CACNA1C: variants seen among roughly 807,000 people sequenced by gnomAD.
The protein encoded by CACNA1C is calcium voltage-gated channel subunit alpha1 C.
Under a neutral mutation model 229.0 loss-of-function variants are expected in CACNA1C, and 30 were observed. The ratio of observed to expected loss-of-function variants is 0.13; its 90% CI spans 0.10 to 0.18. The LOEUF (loss-of-function observed/expected upper bound fraction) is 0.18. CACNA1C is among the 10% of genes least tolerant of loss of function. The pLI, the probability that CACNA1C is intolerant of heterozygous loss-of-function variation, is 1.00. For synonymous variants in CACNA1C, 1,114 were observed against 1,132.5 expected (o/e 0.98, Z 0.33); for missense variants, 1,658 against 2,845.0 (o/e 0.58, Z 9.49).
chr12:2,066,054 G>C (rs560313389), intron 1 of CACNA1C, among the ~76,000 whole-genome samples: 2 of 152,260 alleles, frequency 1.3e-5, no homozygotes, highest in African/African-American at 4.8e-5. Flanking sequence ...CAGGCAGCAG[G>C]CTAGAGGATA....
intron 3 of CACNA1C, among the ~76,000 whole-genome samples, chr12:2,206,656 C>A (rs542401574): frequency 7.2e-5 from 11 of 152,198 alleles, no homozygotes; most frequent in Non-Finnish European, 1.5e-4. Context: ...GAATAGCCAG[C>A]GTGGCCAGTT....
chr12:2,084,978 A>G (rs1432262550), intron 1 of CACNA1C, among the ~76,000 whole-genome samples: 1 of 152,188 alleles, frequency 6.6e-6, no homozygotes, highest in Non-Finnish European at 1.5e-5. Flanking sequence ...TTTACTAGCT[A>G]TTCCTCCCAG....
chr12:2,648,639 C>T, intron 31 of CACNA1C, 132 bp downstream of exon 31: 3 of 772,572 alleles, frequency 3.9e-6, no homozygotes, highest in South Asian at 3.0e-5. Context: ...CTGTGTCTGC[C>T]GTGTGCCTTG....
intron 30 of CACNA1C, among the ~76,000 whole-genome samples, chr12:2,636,802 A>C (rs1467790617): frequency 6.6e-6 from 1 of 152,216 alleles, no homozygotes; most frequent in Non-Finnish European, 1.5e-5. Context: ...TTAAATAAGC[A>C]CAGGGTTTTT....
chr12:2,343,398 T>C (rs558209833), intron 3 of CACNA1C, among the ~76,000 whole-genome samples: 1 of 152,156 alleles, frequency 6.6e-6, no homozygotes, highest in Non-Finnish European at 1.5e-5. Flanking sequence ...AATTGCCAGA[T>C]TTAACAAAAA....
intron 27 of CACNA1C, among the ~76,000 whole-genome samples, chr12:2,609,993 C>T (rs1169694691): frequency 6.6e-6 from 1 of 152,028 alleles, no homozygotes; most frequent in African/African-American, 2.4e-5. Flanking sequence ...GGCGTTGTGG[C>T]GTGTGCCTGT....
chr12:1,993,627 G>GGTGTGTGTGTGTGTGTGTGTGT (rs150056084), intron 1 of CACNA1C, among the ~76,000 whole-genome samples: 2 of 146,584 alleles, frequency 1.4e-5, no homozygotes, highest in Non-Finnish European at 1.5e-5. Context: ...CTTCATTTGT[G>GGTGTGTGTGTGTGTGTGTGTGT]GTGTGTGTGT....
intron 1 of CACNA1C, among the ~76,000 whole-genome samples, chr12:2,085,913 T>G (rs1301005793): frequency 1.3e-5 from 2 of 152,218 alleles, no homozygotes; most frequent in African/African-American, 4.8e-5. Flanking sequence ...AACTGCAGCA[T>G]GTAAATTCAT....
At chr12:2,313,292 A>G (rs1047456280) in intron 3 of CACNA1C, among the ~76,000 whole-genome samples, 4 of 152,178 alleles carry the variant, frequency 2.6e-5, no homozygotes, top group South Asian at 4.1e-4. Context: ...GGCATCCACT[A>G]CATTCTGCGG....
rs116571941 is a variant in CACNA1C at position 2,503,587 on chromosome 12, G to T, written c.1114-1255G>T. Among the ~76,000 whole-genome samples the T allele has an allele frequency of 2.8e-3, 434 of 152,332 alleles. 2 individuals carry two copies. Among genetic ancestry groups the T allele is most frequent in the African/African-American group, 0.01 (418 of 41,588 alleles). ...GATTTATTGCTTGCCTATCTCTGTG[G>T]TGTAAATACTTCCACCATGGTCAGT... is the stretch of plus-strand genomic sequence containing the variant. On this transcript the variant is annotated intron_variant, in intron 7 of 46. Coordinates refer to ENST00000399655, the MANE Select transcript of CACNA1C (RefSeq NM_000719.7).
intron 1 of CACNA1C, among the ~76,000 whole-genome samples, chr12:2,080,522 A>T (rs993038302): frequency 6.6e-6 from 1 of 151,578 alleles, no homozygotes; most frequent in Non-Finnish European, 1.5e-5. Flanking sequence ...AATGGCATGA[A>T]CCCGGGAGGC....
At chr12:2,261,610 G>A (rs117703678) in intron 3 of CACNA1C, among the ~76,000 whole-genome samples, 3,858 of 152,364 alleles carry the variant, frequency 0.025, 74 homozygotes, top group Non-Finnish European at 0.039. Context: ...CATGACAAGT[G>A]TTTAGTATAA....
At chr12:2,274,573 C>T (rs2086817938) in intron 3 of CACNA1C, among the ~76,000 whole-genome samples, 1 of 152,208 alleles carries the variant, frequency 6.6e-6, no homozygotes, top group African/African-American at 2.4e-5. Context: ...GGAGTGGCTT[C>T]CCGACGTGCA....
intron 3 of CACNA1C, among the ~76,000 whole-genome samples, chr12:2,128,700 T>C (rs923595254): frequency 4.6e-5 from 7 of 152,216 alleles, no homozygotes; most frequent in African/African-American, 1.7e-4. Context: ...CGTGAGCCAC[T>C]GCGCCCGGCC....
At chr12:2,661,280 TACACACACACACACACACAC>T (rs1210712672) in intron 34 of CACNA1C, among the ~76,000 whole-genome samples, 3 of 123,416 alleles carry the variant, frequency 2.4e-5, no homozygotes, top group African/African-American at 9.6e-5. Flanking sequence ...TACACACACA[TACACACACACACACACACAC>T]ACACACACAC....
intron 43 of CACNA1C, 132 bp downstream of exon 43, chr12:2,682,810 C>A: frequency 1.5e-6 from 1 of 664,874 alleles, no homozygotes; most frequent in Non-Finnish European, 2.1e-6. Context: ...AAAACATCTG[C>A]ACCGCCTCTT....
At chr12:2,414,991 C>T (rs1455812140) in intron 3 of CACNA1C, among the ~76,000 whole-genome samples, 2 of 152,168 alleles carry the variant, frequency 1.3e-5, no homozygotes, top group Non-Finnish European at 2.9e-5. Flanking sequence ...ACCGGGCTCT[C>T]TTCCCCAAGG....
Position 2,096,259 on chromosome 12 carries a change from G to C in CACNA1C, c.50-18965G>C, listed in dbSNP as rs1025146366. On this transcript the variant is annotated intron_variant, in intron 1 of 46. Coordinates refer to ENST00000399655, the MANE Select transcript of CACNA1C (RefSeq NM_000719.7). Reference sequence around the variant, plus strand: ...GTTGTGAAGGCATGTTTGTGCATGTGCACATATGATTTATTTGATATTTGA... The same window carrying C: ...GTTGTGAAGGCATGTTTGTGCATGTCCACATATGATTTATTTGATATTTGA... Among the ~76,000 whole-genome samples the C allele has an allele frequency of 1.3e-4, 20 of 152,234 alleles. 1 individual carries two copies. Among genetic ancestry groups the C allele is most frequent in the Admixed American group, 5.2e-4 (8 of 15,286 alleles).
intron 30 of CACNA1C, among the ~76,000 whole-genome samples, chr12:2,635,832 C>T (rs751558142): frequency 2.0e-5 from 3 of 151,818 alleles, no homozygotes; most frequent in Non-Finnish European, 1.5e-5. Context: ...GAGTGCATGT[C>T]TGTGTGTGTG....
Sources: gnomAD v4.1 joint callset for allele counts (sites outside exome capture counted in the v4.1 genomes callset) on GRCh38, gnomAD v4.1.1 for gene constraint, MANE v1.5 for transcripts, NCBI Gene and HGNC (gene_info 2026-07-23, HGNC 2026-07-21) for gene names.